Variants in GOSR2 observed in about 807,000 individuals in gnomAD.
The protein encoded by GOSR2 is 27 kDa Golgi SNARE protein.
A neutral mutation model predicts 27.9 loss-of-function variants in GOSR2; 20 were observed. That is an observed-to-expected ratio of 0.72 (90% CI 0.50 to 1.04). GOSR2 has a LOEUF of 1.04. Among genes scored for constraint, GOSR2 ranks in the 50% least tolerant of loss-of-function variants. The pLI is 0.00. For missense variants in GOSR2, 261 were observed against 270.5 expected (o/e 0.97, Z 0.25); for synonymous variants, 91 against 98.8 (o/e 0.92, Z 0.47).
At chr17:46,933,454 C>G (rs772582722) in intron 4 of GOSR2, 7 of 152,198 alleles carry the variant, frequency 4.6e-5, no homozygotes, top group Non-Finnish European at 1.0e-4. Flanking sequence ...TTCTGACACA[C>G]TGGGCATTAG....
At position 46,941,409 on chromosome 17, in the gene GOSR2, G is replaced by GC. The variant is rs1464392380; in HGVS notation, c.*2654dup. The GC allele has an allele frequency of 1.0e-6, 1 of 982,802 alleles. No individual in the cohort carries two copies. The highest frequency in any genetic ancestry group is 1.2e-6 in the Non-Finnish European group (1 of 827,808). The allele number at this position is 982,802 out of a possible 1,614,324, so 60.9% of individuals were successfully genotyped here. On this transcript the variant is annotated 3_prime_UTR_variant, in exon 6 of 6. Coordinates refer to ENST00000640051, the MANE Select transcript of GOSR2 (RefSeq NM_004287.5). ...TCGATATTCATTTTTATAACTAATGGCCCCCTTTTTTTATGTTTCTAGGCC... is the reference window on the plus strand; with the variant it reads ...TCGATATTCATTTTTATAACTAATGGCCCCCCTTTTTTTATGTTTCTAGGCC...
At chr17:46,930,082 C>G (rs2146865049) in intron 2 of GOSR2, 1 of 139,696 alleles carries the variant, frequency 7.2e-6, no homozygotes, top group East Asian at 2.1e-4. Flanking sequence ...AGGAAAGGTC[C>G]TTTTTCTGAG....
Position 46,940,484 on chromosome 17 carries a change from T to C in GOSR2, c.*1724T>C. 2 of 1,613,002 alleles carry C rather than the reference T, an allele frequency of 1.2e-6. No individual in the cohort carries two copies. Among genetic ancestry groups the C allele is most frequent in the Non-Finnish European group, 1.7e-6 (2 of 1,179,770 alleles). ...CAGCACTGCTGCGGTGCCAGGGACC[T>C]AGCGCAGGACTTTTGGTAATCCATA... On this transcript the variant is annotated 3_prime_UTR_variant, in exon 6 of 6. Transcript: ENST00000640051.
At chr17:46,957,651 C>T (rs767434736) in intron 6 of GOSR2, among the ~76,000 whole-genome samples, 8 of 152,036 alleles carry the variant, frequency 5.3e-5, no homozygotes, top group Admixed American at 2.0e-4. Flanking sequence ...ACCCAGACAG[C>T]AGGAAGCCCA....
chr17:46,959,985 C>G (rs992905002), intron 6 of GOSR2, among the ~76,000 whole-genome samples: 1 of 152,318 alleles, frequency 6.6e-6, no homozygotes, highest in East Asian at 1.9e-4. Flanking sequence ...AGATCTGGTC[C>G]TCAGCAGTAG....
At chr17:46,956,750 G>A (rs373851136) in intron 6 of GOSR2, among the ~76,000 whole-genome samples, 1 of 152,182 alleles carries the variant, frequency 6.6e-6, no homozygotes, top group African/African-American at 2.4e-5. Context: ...AGTAGCCTGC[G>A]TGGCTGCCAG....
At chr17:46,930,932 G>A (rs1245705934) in intron 2 of GOSR2, 167 bp from the exon 3 acceptor site, 17 of 616,208 alleles carry the variant, frequency 2.8e-5, no homozygotes, top group Non-Finnish European at 4.1e-5. Flanking sequence ...CAACATTTAC[G>A]GCCTAACTTG....
chr17:46,938,784 CAGCAT>C lies in GOSR2; in HGVS notation c.*25_*29del. 6.2e-7 allele frequency: 1 copy of C among 1,613,372 alleles called. No individual in the cohort carries two copies. The highest frequency in any genetic ancestry group is 8.5e-7 in the Non-Finnish European group (1 of 1,179,930). ...GAGCCAGCCACGCTCAGTGGCTGAACAGCATTCCCACAGCCTGCAAGTGTGTGTGT... is the reference window on the plus strand; with the variant it reads ...GAGCCAGCCACGCTCAGTGGCTGAACTCCCACAGCCTGCAAGTGTGTGTGT... On this transcript the variant is annotated 3_prime_UTR_variant, in exon 6 of 6. Coordinates refer to ENST00000640051, the MANE Select transcript of GOSR2 (RefSeq NM_004287.5).
At chr17:46,945,068 G>A (rs906938646), downstream of GOSR2, among the ~76,000 whole-genome samples, 4 of 152,190 alleles carry the variant, frequency 2.6e-5, no homozygotes, top group African/African-American at 9.7e-5. Context: ...CCATTGTGGT[G>A]GGGGCATTAA....
chr17:46,939,822 A>T lies in GOSR2; in HGVS notation c.*1062A>T, dbSNP rs16941324. On this transcript the variant is annotated 3_prime_UTR_variant, in exon 6 of 6. Coordinates refer to ENST00000640051, the MANE Select transcript of GOSR2 (RefSeq NM_004287.5). Reference sequence around the variant, plus strand: ...GATTCAGGCTGTACTAATACCAGGTATATTGTGGAATTTAGTATAAAGGCC... The same window carrying T: ...GATTCAGGCTGTACTAATACCAGGTTTATTGTGGAATTTAGTATAAAGGCC... The T allele has an allele frequency of 0.019, 18,381 of 987,926 alleles. 341 individuals carry two copies. The highest frequency in any genetic ancestry group is 0.086 in the African/African-American group (4,909 of 57,308). The allele number at this position is 987,926 out of a possible 1,614,324, so 61.2% of individuals were successfully genotyped here.
chr17:46,968,267 C>A (rs954022198), downstream of GOSR2, among the ~76,000 whole-genome samples: 2 of 152,168 alleles, frequency 1.3e-5, no homozygotes, highest in African/African-American at 4.8e-5. Flanking sequence ...CCAGACCCAG[C>A]CTCTTCCTCT....
chr17:46,957,913 G>T (rs1338193334), intron 6 of GOSR2, among the ~76,000 whole-genome samples: 1 of 152,212 alleles, frequency 6.6e-6, no homozygotes, highest in Non-Finnish European at 1.5e-5. Flanking sequence ...CTGCAGCAGG[G>T]ATCAGTGTGC....
chr17:46,957,612 CAAAA>C (rs1374370182), intron 6 of GOSR2, among the ~76,000 whole-genome samples: 2 of 126,730 alleles, frequency 1.6e-5, no homozygotes, highest in Non-Finnish European at 3.6e-5. Context: ...GACTTGGTCT[CAAAA>C]CAAACAAACA....
At chr17:46,945,222 T>C (rs889900070), downstream of GOSR2, among the ~76,000 whole-genome samples, 8 of 152,172 alleles carry the variant, frequency 5.3e-5, no homozygotes, top group African/African-American at 1.7e-4. Flanking sequence ...TGAGGCCTGA[T>C]GTGCTGTCTT....
chr17:46,971,144 C>T (rs973194293), downstream of GOSR2, among the ~76,000 whole-genome samples: 6 of 152,062 alleles, frequency 3.9e-5, no homozygotes, highest in Admixed American at 2.6e-4. Flanking sequence ...TTGAGACCAG[C>T]GTGGCCGACA....
At chr17:46,943,115 G>A (rs940116270), downstream of GOSR2, among the ~76,000 whole-genome samples, 1 of 152,202 alleles carries the variant, frequency 6.6e-6, no homozygotes, top group African/African-American at 2.4e-5. Flanking sequence ...GGAGCCGATG[G>A]CTCTAATACA....
intron 4 of GOSR2, among the ~76,000 whole-genome samples, chr17:46,933,933 G>A (rs1409820459): frequency 3.2e-5 from 3 of 94,180 alleles, no homozygotes; most frequent in Non-Finnish European, 6.7e-5. Context: ...CAGAGTGAGA[G>A]CCTGTCTCAA....
chr17:46,966,905 C>CATGAA, exon 7 of GOSR2: 1 of 395,588 alleles, frequency 2.5e-6, no homozygotes, highest in Non-Finnish European at 4.5e-6. Flanking sequence ...AAAGGGAAAT[C>CATGAA]ATTTTCATGA....
chr17:46,949,290 C>T (rs894062637), intron 6 of GOSR2: 1 of 152,364 alleles, frequency 6.6e-6, no homozygotes, highest in Non-Finnish European at 1.5e-5. Context: ...GGAACACCTG[C>T]ACACGGCTTC....
Sources: gnomAD v4.1 joint callset for allele counts (sites outside exome capture counted in the v4.1 genomes callset) on GRCh38, gnomAD v4.1.1 for gene constraint, MANE v1.5 for transcripts, NCBI Gene and HGNC (gene_info 2026-07-23, HGNC 2026-07-21) for gene names.